The following TMCC1 variants were observed in gnomAD, a reference collection of about 807,000 sequenced individuals.
TMCC1 encodes the protein transmembrane and coiled-coil domain family 1.
In TMCC1, 15 loss-of-function variants were observed where a neutral mutation model predicts 52.4. The ratio of observed to expected loss-of-function variants is 0.29; its 90% CI spans 0.19 to 0.44. TMCC1 has a LOEUF of 0.44. TMCC1 is among the 20% of genes least tolerant of loss of function. The pLI is 1.00. For synonymous variants in TMCC1, 279 were observed against 301.9 expected (o/e 0.92, Z 0.79); for missense variants, 503 against 806.0 (o/e 0.62, Z 4.55).
intron 4 of TMCC1, among the ~76,000 whole-genome samples, chr3:129,715,864 T>C (rs2049041715): frequency 6.6e-6 from 1 of 152,206 alleles, no homozygotes; most frequent in African/African-American, 2.4e-5. Flanking sequence ...TTTATATTTA[T>C]AAAGTGTTTC....
intron 4 of TMCC1, among the ~76,000 whole-genome samples, chr3:129,708,439 G>C (rs1311932921): frequency 6.6e-6 from 1 of 152,124 alleles, no homozygotes; most frequent in Non-Finnish European, 1.5e-5. Flanking sequence ...GTTGCATGTA[G>C]TTTGCATCCT....
At chr3:129,700,500 C>T (rs929515740) in intron 4 of TMCC1, among the ~76,000 whole-genome samples, 3 of 151,426 alleles carry the variant, frequency 2.0e-5, no homozygotes, top group Middle Eastern at 3.2e-3. Flanking sequence ...TTTTTTGAGA[C>T]GGAGTCTCGC....
At chr3:129,731,118 T>G (rs570499992) in intron 4 of TMCC1, among the ~76,000 whole-genome samples, 3 of 152,224 alleles carry the variant, frequency 2.0e-5, no homozygotes, top group South Asian at 4.1e-4. Context: ...ATATGAAGAA[T>G]AATATACCAT....
intron 2 of TMCC1, among the ~76,000 whole-genome samples, chr3:129,860,636 G>A (rs1223589057): frequency 6.7e-6 from 1 of 149,818 alleles, no homozygotes; most frequent in East Asian, 2.0e-4. Flanking sequence ...GTCTCGCCCT[G>A]TCACCCAGGC....
chr3:129,661,928 C>T (rs901030450), intron 5 of TMCC1, among the ~76,000 whole-genome samples: 2 of 152,196 alleles, frequency 1.3e-5, no homozygotes, highest in African/African-American at 2.4e-5. Flanking sequence ...CTTCTTAGCA[C>T]ACTTTATTTT....
intron 4 of TMCC1, among the ~76,000 whole-genome samples, chr3:129,741,027 T>A (rs966558229): frequency 2.6e-5 from 4 of 152,232 alleles, no homozygotes; most frequent in African/African-American, 4.8e-5. Context: ...AGCTTTCATA[T>A]GTCTAATATG....
chr3:129,664,953 T>C (rs1365406356), intron 5 of TMCC1, among the ~76,000 whole-genome samples: 1 of 152,242 alleles, frequency 6.6e-6, no homozygotes, highest in Non-Finnish European at 1.5e-5. Context: ...AAGATTAATC[T>C]AGATATCTAA....
chr3:129,760,846 A>C (rs2053513352), intron 4 of TMCC1, among the ~76,000 whole-genome samples: 1 of 151,032 alleles, frequency 6.6e-6, no homozygotes, highest in Non-Finnish European at 1.5e-5. Flanking sequence ...TCCTGGGCTC[A>C]AGCAGTCTAC....
At chr3:129,883,823 T>C (rs1489773310) in intron 1 of TMCC1, among the ~76,000 whole-genome samples, 5 of 151,702 alleles carry the variant, frequency 3.3e-5, no homozygotes, top group African/African-American at 4.9e-5. Context: ...TGAAACAAGA[T>C]GGTGAAACCT....
chr3:129,877,654 A>T (rs1276377298), intron 2 of TMCC1, among the ~76,000 whole-genome samples: 1 of 137,056 alleles, frequency 7.3e-6, no homozygotes, highest in Admixed American at 7.7e-5. Context: ...TGAGACAGAG[A>T]GTCTCACTCT....
rs754865390 is a variant in TMCC1, at chr3:129,670,524, G to A, written c.1317C>T (p.Gly439=). ...TGGAGCTGGATGCTCCTACAGCGAT[G>A]CCCCCTGTGGTGCTGTTGGCTCCCA... ...GSVGANSTTG[G]IAVGASSSKT... Residue 439 remains glycine (G), a synonymous_variant, in exon 5 of 7, where the codon GGC becomes GGT. Coordinates refer to ENST00000393238, the MANE Select transcript of TMCC1 (RefSeq NM_001017395.5). 2 of 1,614,196 alleles carry A rather than the reference G, an allele frequency of 1.2e-6. No individual in the cohort carries two copies. Among genetic ancestry groups the A allele is most frequent in the Admixed American group, 1.7e-5 (1 of 60,024 alleles).
intron 4 of TMCC1, among the ~76,000 whole-genome samples, chr3:129,738,081 G>A (rs2051129927): frequency 6.6e-6 from 1 of 151,944 alleles, no homozygotes; most frequent in Non-Finnish European, 1.5e-5. Flanking sequence ...GACCAGCCTG[G>A]CCAACACGGC....
At chr3:129,857,564 A>G (rs1577107596) in intron 2 of TMCC1, among the ~76,000 whole-genome samples, 1 of 150,874 alleles carries the variant, frequency 6.6e-6, no homozygotes, top group East Asian at 1.9e-4. Context: ...TTTTTTTAAT[A>G]TTTTTTTTTC....
rs1441147754 is a variant in TMCC1 at position 129,828,223 on chromosome 3, C to CAA, written c.154_155dup (p.Leu52PhefsTer2). Reference sequence around the variant, plus strand: ...TGCGCTGGTGCTGGAAGAGATGCTTCAAGCCTTGGCCAATCACGTTAATGT... The same window carrying CAA: ...TGCGCTGGTGCTGGAAGAGATGCTTCAAAAGCCTTGGCCAATCACGTTAATGT... On this transcript the variant is annotated frameshift_variant, in exon 4 of 7. Transcript: ENST00000393238. LOFTEE classifies it high-confidence loss of function. The surrounding 1 kb of genome is among the most constrained non-coding windows in gnomAD (Gnocchi z 4.1). 1 of 1,614,170 alleles carries CAA rather than the reference C, an allele frequency of 6.2e-7. No individual in the cohort carries two copies. Among genetic ancestry groups the CAA allele is most frequent in the Non-Finnish European group, 8.5e-7 (1 of 1,180,026 alleles).
intron 4 of TMCC1, among the ~76,000 whole-genome samples, chr3:129,756,225 A>C (rs2052997752): frequency 6.6e-6 from 1 of 152,248 alleles, no homozygotes; most frequent in African/African-American, 2.4e-5. Context: ...AAGTGAACTG[A>C]AAAACCTGTA....
rs116331111 is a variant in TMCC1, at chr3:129,773,183, A to G, written c.576+54620T>C. The stretch of plus-strand genomic sequence containing the variant: ...CCACAATGGAATACCATGCAACTTT[A>G]AAAAGGAATAAGGATTACTTCTCTA... On this transcript the variant is annotated intron_variant, in intron 4 of 6. Coordinates refer to ENST00000393238, the MANE Select transcript of TMCC1 (RefSeq NM_001017395.5). Among the ~76,000 whole-genome samples, 631 of 152,354 alleles carry G rather than the reference A, an allele frequency of 4.1e-3. 2 individuals carry two copies. Among genetic ancestry groups the G allele is most frequent in the Non-Finnish European group, 6.5e-3 (441 of 68,028 alleles).
chr3:129,801,491 T>G (rs550764282), intron 4 of TMCC1, among the ~76,000 whole-genome samples: 6 of 151,970 alleles, frequency 3.9e-5, no homozygotes, highest in South Asian at 2.1e-4. Flanking sequence ...AGACGGAGTC[T>G]TGTCCTGTCA....
chr3:129,821,523 C>A (rs774891165), intron 4 of TMCC1, among the ~76,000 whole-genome samples: 2 of 151,912 alleles, frequency 1.3e-5, no homozygotes, highest in Non-Finnish European at 1.5e-5. Flanking sequence ...GAAAAGATTC[C>A]CAATTAAAGT....
At chr3:129,842,477 A>ACACACACACAC (rs1560529071) in intron 2 of TMCC1, among the ~76,000 whole-genome samples, 49 of 147,746 alleles carry the variant, frequency 3.3e-4, no homozygotes, top group African/African-American at 1.2e-3. Context: ...AAAAAAACAA[A>ACACACACACAC]ACACACACAC....
Sources: allele counts gnomAD v4.1 joint callset (sites outside exome capture counted in the v4.1 genomes callset), GRCh38; gene constraint gnomAD v4.1.1; non-coding constraint Gnocchi (gnomAD v3.1); transcripts MANE v1.5; gene names NCBI Gene and HGNC (gene_info 2026-07-23, HGNC 2026-07-21).